The following GRIA3 variants were observed in gnomAD, a reference collection of about 807,000 sequenced individuals.
The protein encoded by GRIA3 is glutamate receptor 3.
In GRIA3, 3 loss-of-function variants were observed where a neutral mutation model predicts 63.0. The observed-to-expected ratio is 0.05, with a 90% confidence interval of 0.02 to 0.12. The LOEUF (loss-of-function observed/expected upper bound fraction) is 0.12. Ranked by LOEUF, GRIA3 falls within the 10% of genes least tolerant of loss-of-function variation. GRIA3 has a pLI of 1.00. For synonymous variants in GRIA3, 274 were observed against 257.9 expected (o/e 1.06, Z -0.60); for missense variants, 347 against 700.9 (o/e 0.50, Z 5.70).
At chrX:123,268,565 GA>G (rs1291500851) in intron 3 of GRIA3, among the ~76,000 whole-genome samples, 3 of 110,485 alleles carry the variant, frequency 2.7e-5, no homozygotes, top group Non-Finnish European at 5.7e-5. Context: ...TTTAACAAAT[GA>G]TTTTTTTTAT....
chrX:123,457,619 C>T (rs1273077137), intron 12 of GRIA3, among the ~76,000 whole-genome samples: 1 of 112,497 alleles, frequency 8.9e-6, no homozygotes, highest in African/African-American at 3.2e-5. Context: ...ATGTTACAAA[C>T]ACCAATACTG....
At chrX:123,286,446 C>A (rs1471695429) in intron 3 of GRIA3, among the ~76,000 whole-genome samples, 1 of 111,481 alleles carries the variant, frequency 9.0e-6, no homozygotes, top group Non-Finnish European at 1.9e-5. Flanking sequence ...GATAGAGACA[C>A]GAAAAACCCT....
chrX:123,340,893 T>A (rs2045004434), intron 4 of GRIA3, among the ~76,000 whole-genome samples: 2 of 111,840 alleles, frequency 1.8e-5, no homozygotes, highest in African/African-American at 6.5e-5. Flanking sequence ...CGGATGGGTG[T>A]TTCCCAGCGA....
chrX:123,362,308 C>T (rs1179036530), intron 5 of GRIA3, among the ~76,000 whole-genome samples: 1 of 111,542 alleles, frequency 9.0e-6, no homozygotes, highest in Non-Finnish European at 1.9e-5. Flanking sequence ...AAAGAGAAGG[C>T]AGATTGTGGA....
intron 13 of GRIA3, among the ~76,000 whole-genome samples, chrX:123,469,705 T>C (rs1285171154): frequency 8.9e-6 from 1 of 112,374 alleles, no homozygotes; most frequent in Non-Finnish European, 1.9e-5. Flanking sequence ...CAGTAGGTTG[T>C]TTCAGTGATA....
chrX:123,285,240 T>C (rs985037827), intron 3 of GRIA3, among the ~76,000 whole-genome samples: 6 of 110,174 alleles, frequency 5.4e-5, no homozygotes, highest in Non-Finnish European at 1.1e-4. Context: ...TTACAAGAGC[T>C]CCTGAAGGAA....
chrX:123,317,936 C>A (rs928282761), intron 3 of GRIA3, among the ~76,000 whole-genome samples: 2 of 112,787 alleles, frequency 1.8e-5, no homozygotes, highest in African/African-American at 6.4e-5. Context: ...CAAACTTTTG[C>A]CTGGGCATCC....
intron 5 of GRIA3, among the ~76,000 whole-genome samples, chrX:123,384,290 A>G (rs2045341725): frequency 8.9e-6 from 1 of 112,228 alleles, no homozygotes; most frequent in Non-Finnish European, 1.9e-5. Flanking sequence ...GCTTTCCACA[A>G]TGGTTGAACT....
chrX:123,352,902 T>A (rs1369431131), intron 4 of GRIA3, among the ~76,000 whole-genome samples: 1 of 110,668 alleles, frequency 9.0e-6, no homozygotes, highest in Non-Finnish European at 1.9e-5. Flanking sequence ...GCATGAGAAA[T>A]CACATCCTCA....
intron 2 of GRIA3, among the ~76,000 whole-genome samples, chrX:123,243,658 A>G (rs1191961088): frequency 8.9e-6 from 1 of 112,133 alleles, no homozygotes; most frequent in Admixed American, 9.4e-5. Context: ...ATAATCACAC[A>G]TTGGTATGAT....
chrX:123,477,881 G>A (rs2045894186), intron 13 of GRIA3, among the ~76,000 whole-genome samples: 2 of 111,614 alleles, frequency 1.8e-5, no homozygotes, highest in South Asian at 3.8e-4. Context: ...ACATATTACC[G>A]GGAGGGAGGA....
intron 3 of GRIA3, among the ~76,000 whole-genome samples, chrX:123,272,809 C>T (rs2044531709): frequency 8.9e-6 from 1 of 111,820 alleles, no homozygotes; most frequent in South Asian, 3.8e-4. Flanking sequence ...TATTCATGAT[C>T]TGATAAATAT....
intron 3 of GRIA3, among the ~76,000 whole-genome samples, chrX:123,261,234 C>T (rs921848499): frequency 3.6e-5 from 4 of 111,129 alleles, no homozygotes; most frequent in African/African-American, 9.8e-5. Context: ...ATTGTTCTCT[C>T]GGTAGCTTAA....
intron 3 of GRIA3, among the ~76,000 whole-genome samples, chrX:123,255,285 C>G (rs1402184452): frequency 9.0e-6 from 1 of 111,482 alleles, no homozygotes; most frequent in African/African-American, 3.3e-5. Context: ...GAAAAGAGAA[C>G]AAACAAACAG....
At chrX:123,200,068 G>T (rs1927685774) in intron 2 of GRIA3, among the ~76,000 whole-genome samples, 1 of 111,242 alleles carries the variant, frequency 9.0e-6, no homozygotes, top group Non-Finnish European at 1.9e-5. Flanking sequence ...ACCATGTTTT[G>T]CAGCCTTATC....
chrX:123,338,276 G>A lies in GRIA3; in HGVS notation c.696+12063G>A, dbSNP rs150234439. The stretch of plus-strand genomic sequence containing the variant: ...CAACCTGTTGAAAATAAAGCATTGA[G>A]GGTAAATTACTGCAACTAAGTCAGA... On this transcript the variant is annotated intron_variant, in intron 4 of 15. Transcript: ENST00000620443. Among the ~76,000 whole-genome samples, 188 of 112,101 alleles carry A rather than the reference G, an allele frequency of 1.7e-3. 1 individual carries two copies. The highest frequency in any genetic ancestry group is 5.8e-3 in the African/African-American group (179 of 30,809).
chrX:123,249,948 T>C (rs1406103601), intron 2 of GRIA3, among the ~76,000 whole-genome samples: 13 of 112,141 alleles, frequency 1.2e-4, no homozygotes, highest in Non-Finnish European at 2.4e-4. Context: ...TTCACCTTCC[T>C]GGAGACAACT....
chrX:123,365,448 C>T lies in GRIA3; in HGVS notation c.750+10485C>T, dbSNP rs914877840. Reference sequence around the variant, plus strand: ...GTTGAAGGAAATGGTGTAGATGAGGCCAGGGGAGCAGAAGATAACAGATAA... The same window carrying T: ...GTTGAAGGAAATGGTGTAGATGAGGTCAGGGGAGCAGAAGATAACAGATAA... On this transcript the variant is annotated intron_variant, in intron 5 of 15. Transcript: ENST00000620443. 2.9e-5 allele frequency among the ~76,000 whole-genome samples: 3 copies of T among 103,273 alleles called. No individual in the cohort carries two copies. The East Asian group carries it at 9.2e-4, about 32-fold the overall frequency. 89.7% of individuals were successfully genotyped at this position (103,273 alleles called of 115,157 possible).
At chrX:123,241,244 A>G (rs918067208) in intron 2 of GRIA3, among the ~76,000 whole-genome samples, 19 of 111,581 alleles carry the variant, frequency 1.7e-4, no homozygotes, top group African/African-American at 5.9e-4. Context: ...TAAACAAATC[A>G]AGATTAAAAA....
Sources: gnomAD v4.1 joint callset for allele counts (sites outside exome capture counted in the v4.1 genomes callset) on GRCh38, gnomAD v4.1.1 for gene constraint, MANE v1.5 for transcripts, NCBI Gene and HGNC (gene_info 2026-07-23, HGNC 2026-07-21) for gene names.